Variants in ROR2 observed in about 807,000 individuals in gnomAD.
ROR2 encodes tyrosine-protein kinase transmembrane receptor ROR2.
Under a neutral mutation model 74.9 loss-of-function variants are expected in ROR2, and 33 were observed. That is an observed-to-expected ratio of 0.44 (90% CI 0.33 to 0.59). ROR2 has a LOEUF of 0.59. Among genes scored for constraint, ROR2 ranks in the 20% least tolerant of loss-of-function variants. The probability of loss-of-function intolerance (pLI) is 0.02; values close to 1 mark genes in which losing one functional copy is unlikely to be tolerated. For missense variants in ROR2, 1,216 were observed against 1,313.8 expected, an observed-to-expected ratio of 0.93 and a Z score of 1.15; for synonymous variants, 586 against 558.7, an observed-to-expected ratio of 1.05 and a Z score of -0.69.
At chr9:91,949,436 G>A (rs1314811418) in intron 1 of ROR2, among the ~76,000 whole-genome samples, 2 of 152,110 alleles carry the variant, frequency 1.3e-5, no homozygotes, top group Non-Finnish European at 1.5e-5. Context: ...CTCCGAGACA[G>A]ACGGGGGACA....
At chr9:91,752,600 C>T (rs1825626323) in intron 4 of ROR2, among the ~76,000 whole-genome samples, 1 of 152,168 alleles carries the variant, frequency 6.6e-6, no homozygotes, top group Admixed American at 6.5e-5. Context: ...GGAAGTTGCA[C>T]GACAGAGCCT....
chr9:91,834,196 T>G (rs1587765375), intron 1 of ROR2, among the ~76,000 whole-genome samples: 1 of 152,194 alleles, frequency 6.6e-6, no homozygotes, highest in Non-Finnish European at 1.5e-5. Context: ...GACCAGAAAC[T>G]GTGGGCTACG....
intron 1 of ROR2, among the ~76,000 whole-genome samples, chr9:91,792,271 C>T (rs984966727): frequency 2.0e-5 from 3 of 148,034 alleles, no homozygotes; most frequent in Non-Finnish European, 3.0e-5. Flanking sequence ...ATCAGCAAAA[C>T]AACAGAGAAA....
chr9:91,875,049 G>A (rs1403245440), intron 1 of ROR2, among the ~76,000 whole-genome samples: 2 of 152,044 alleles, frequency 1.3e-5, no homozygotes, highest in Admixed American at 1.3e-4. Context: ...TGATCTAAAT[G>A]GAACAGAATG....
Position 91,723,508 on chromosome 9 carries a change from G to A in ROR2, c.*154C>T, listed in dbSNP as rs1836868834. Reference sequence around the variant, plus strand: ...GCAGCTCTCTGTGTCAGAGGACAGAGAGGAGCAGGGCTCCACCTCACCCAG... The same window carrying A: ...GCAGCTCTCTGTGTCAGAGGACAGAAAGGAGCAGGGCTCCACCTCACCCAG... On this transcript the variant is annotated 3_prime_UTR_variant, in exon 9 of 9. Coordinates refer to ENST00000375708, the MANE Select transcript of ROR2 (RefSeq NM_004560.4). 8.3e-7 allele frequency: 1 copy of A among 1,206,456 alleles called. No homozygotes were observed. The highest frequency in any genetic ancestry group is 2.2e-5 in the Admixed American group (1 of 44,594). The allele number at this position is 1,206,456 out of a possible 1,614,324, so 74.7% of individuals were successfully genotyped here. A position where few individuals can be genotyped will look rare whatever the true frequency, so the allele number is the denominator to read the frequency against.
At position 91,725,085 on chromosome 9, in the gene ROR2, A is replaced by C; in HGVS notation, c.1409T>G (p.Leu470Arg). ...CTCCTCCATGAACCTCACCGCAGAC[A>C]GGCTGATCTCTTTGAGTTTGGCCTG... Reference protein sequence around the residue: ...HKQAKLKEISLSAVRFMEELG... With the variant: ...HKQAKLKEISRSAVRFMEELG... The change falls in exon 9 of 9, where the codon CTG becomes CGG. Residue 470 changes from leucine to arginine, a missense_variant. Coordinates refer to ENST00000375708, the MANE Select transcript of ROR2 (RefSeq NM_004560.4). 6.2e-7 allele frequency: 1 copy of C among 1,614,048 alleles called. No individual in the cohort carries two copies. The highest frequency in any genetic ancestry group is 1.6e-4 in the Middle Eastern group (1 of 6,062).
chr9:91,798,915 G>C (rs895722203), intron 1 of ROR2, among the ~76,000 whole-genome samples: 1 of 152,114 alleles, frequency 6.6e-6, no homozygotes, highest in African/African-American at 2.4e-5. Context: ...CCACGCAGCA[G>C]AGACGCTCTG....
chr9:91,775,768 G>C lies in ROR2; in HGVS notation c.148C>G (p.Gln50Glu), dbSNP rs769416864. ...PNDPLGPLDG[Q>E]DGPIPTLKGY... ...TTCAGAGTTGGAATCGGGCCGTCCT[G>C]CCCATCAAGGGGTCCTAAAGGGTCG... is the stretch of plus-strand genomic sequence containing the variant. The change falls in exon 2 of 9, where the codon CAG (glutamine) becomes GAG (glutamate). Residue 50 changes from glutamine (Q) to glutamate (E), a missense_variant. Coordinates refer to ENST00000375708, the MANE Select transcript of ROR2 (RefSeq NM_004560.4). 2.5e-6 allele frequency: 4 copies of C among 1,614,080 alleles called. No individual in the cohort carries two copies. The African/African-American group carries it at 5.3e-5, about 22-fold the overall frequency.
intron 1 of ROR2, among the ~76,000 whole-genome samples, chr9:91,854,443 C>T (rs1319624094): frequency 6.6e-6 from 1 of 152,224 alleles, no homozygotes; most frequent in African/African-American, 2.4e-5. Flanking sequence ...GCACACTCTG[C>T]TGCTGCTGAC....
Position 91,900,644 on chromosome 9 carries a change from G to A in ROR2, c.97+49223C>T, listed in dbSNP as rs575886283. Among the ~76,000 whole-genome samples, 12 of 152,300 alleles carry A rather than the reference G, an allele frequency of 7.9e-5. No homozygotes were observed. The South Asian group carries it at 1.0e-3, about 13-fold the overall frequency. ...CAGGCCCCAGGAGAGGACTCCTCGC[G>A]GGGCACGTCGGTTCCATGGACTGGG... is the stretch of plus-strand genomic sequence containing the variant. On this transcript the variant is annotated intron_variant, in intron 1 of 8. Coordinates refer to ENST00000375708, the MANE Select transcript of ROR2 (RefSeq NM_004560.4).
chr9:91,881,837 G>A (rs1830119952), intron 1 of ROR2, among the ~76,000 whole-genome samples: 1 of 152,192 alleles, frequency 6.6e-6, no homozygotes, highest in Admixed American at 6.5e-5. Flanking sequence ...AGAAGGATGA[G>A]GGGAGAAATT....
At chr9:91,827,990 A>C (rs950546102) in intron 1 of ROR2, among the ~76,000 whole-genome samples, 1 of 152,232 alleles carries the variant, frequency 6.6e-6, no homozygotes, top group Non-Finnish European at 1.5e-5. Flanking sequence ...TATCAGACTC[A>C]AAATTTTCTT....
At chr9:91,909,563 G>C (rs1830901202) in intron 1 of ROR2, among the ~76,000 whole-genome samples, 1 of 149,942 alleles carries the variant, frequency 6.7e-6, no homozygotes. Context: ...TGTTGCCCAG[G>C]CTGCTCTCAA....
chr9:91,804,361 C>T (rs4744103), intron 1 of ROR2, among the ~76,000 whole-genome samples: 15,165 of 152,180 alleles, frequency 0.1, 1,269 homozygotes, highest in East Asian at 0.3. Flanking sequence ...TGTAGCAGTG[C>T]GTGTGCCAGC....
In ROR2 at chr9:91,759,399, A is replaced by T. The variant is rs1825849847; in HGVS notation, c.176-1840T>A. ...CCTTTTCCATTCACTGAATTAAGTTATAGAAGGTACTTCTTATTGACAACA... is the reference window on the plus strand; with the variant it reads ...CCTTTTCCATTCACTGAATTAAGTTTTAGAAGGTACTTCTTATTGACAACA... On this transcript the variant is annotated intron_variant, in intron 2 of 8. Transcript: ENST00000375708. Among the ~76,000 whole-genome samples, 3 of 152,348 alleles carry T rather than the reference A, an allele frequency of 2.0e-5. No individual in the cohort carries two copies. The South Asian group carries it at 6.2e-4, about 32-fold the overall frequency.
intron 5 of ROR2, among the ~76,000 whole-genome samples, chr9:91,734,760 C>T (rs7869182): frequency 0.5 from 76,439 of 151,942 alleles, 19,523 homozygotes; most frequent in Non-Finnish European, 0.55. Context: ...TGGCCCTCAG[C>T]GTGAATGGGC....
intron 1 of ROR2, among the ~76,000 whole-genome samples, chr9:91,863,082 G>A (rs1829518847): frequency 1.3e-5 from 2 of 152,234 alleles, no homozygotes; most frequent in Non-Finnish European, 2.9e-5. Flanking sequence ...AAGTGTTAGT[G>A]AGGATGTGCA....
At chr9:91,878,872 T>C (rs1027298664) in intron 1 of ROR2, among the ~76,000 whole-genome samples, 3 of 151,762 alleles carry the variant, frequency 2.0e-5, no homozygotes, top group Non-Finnish European at 4.4e-5. Context: ...GGTCAGGAGA[T>C]TGAGACCATC....
At chr9:91,729,538 C>G (rs1837161057) in intron 7 of ROR2, among the ~76,000 whole-genome samples, 1 of 152,214 alleles carries the variant, frequency 6.6e-6, no homozygotes, top group Non-Finnish European at 1.5e-5. Flanking sequence ...TTATTTCCTG[C>G]ACTTCGGAGT....
Sources: gnomAD v4.1 joint callset for allele counts (sites outside exome capture counted in the v4.1 genomes callset) on GRCh38, gnomAD v4.1.1 for gene constraint, MANE v1.5 for transcripts, NCBI Gene and HGNC (gene_info 2026-07-23, HGNC 2026-07-21) for gene names.